MYOM2: variants seen among roughly 807,000 people sequenced by gnomAD.
The protein encoded by MYOM2 is myomesin-2.
Under a neutral mutation model 187.6 loss-of-function variants are expected in MYOM2, and 254 were observed. The ratio of observed to expected loss-of-function variants is 1.35; its 90% CI spans 1.22 to 1.50. MYOM2 has a LOEUF of 1.50. Ranked by LOEUF, MYOM2 falls within the 40% of genes most tolerant of loss-of-function variation. The pLI, the probability that MYOM2 is intolerant of heterozygous loss-of-function variation, is 0.00. For synonymous variants in MYOM2, 981 were observed against 753.8 expected (o/e 1.30, Z -4.94); for missense variants, 2,796 against 1,924.0 (o/e 1.45, Z -8.48).
In MYOM2 at chr8:2,048,841, A is replaced by G. The variant is rs973798030; in HGVS notation, c.-12-1914A>G. Reference sequence around the variant, plus strand: ...GTCTCGCTCTGTCACCCAGGCTGGAATGCAGTGGCGCGATCTCGGCTCACT... The same window carrying G: ...GTCTCGCTCTGTCACCCAGGCTGGAGTGCAGTGGCGCGATCTCGGCTCACT... On this transcript the variant is annotated intron_variant, in intron 1 of 36. Coordinates refer to ENST00000262113, the MANE Select transcript of MYOM2 (RefSeq NM_003970.4). 3.9e-4 allele frequency among the ~76,000 whole-genome samples: 59 copies of G among 150,334 alleles called. 1 individual carries two copies. Among genetic ancestry groups the G allele is most frequent in the Admixed American group, 1.9e-3 (28 of 15,050 alleles).
intron 29 of MYOM2, 88 bp from the exon 30 acceptor site, chr8:2,123,467 T>A (rs1237684669): frequency 2.7e-6 from 4 of 1,476,980 alleles, no homozygotes; most frequent in Non-Finnish European, 3.8e-6. Context: ...ATTTCGGTGG[T>A]TTGCAAAGAA....
intron 32 of MYOM2, among the ~76,000 whole-genome samples, chr8:2,130,041 G>T (rs183525552): frequency 9.4e-4 from 143 of 152,130 alleles, no homozygotes; most frequent in African/African-American, 3.0e-3. Context: ...ATTTGATGGT[G>T]TCAAGGCACC....
At chr8:2,120,680 T>TATATATATAATA in intron 28 of MYOM2, among the ~76,000 whole-genome samples, 1 of 48,300 alleles carries the variant, frequency 2.1e-5, no homozygotes, top group Admixed American at 3.9e-4. Context: ...ATATATTATA[T>TATATATATAATA]TATATATAAA....
chr8:2,118,241 A>C (rs937348771), intron 28 of MYOM2, among the ~76,000 whole-genome samples: 3 of 152,216 alleles, frequency 2.0e-5, no homozygotes, highest in African/African-American at 7.2e-5. Flanking sequence ...GTTTATGAGA[A>C]AGTGTGCCCT....
chr8:2,138,822 T>A (rs1264176230), intron 32 of MYOM2, among the ~76,000 whole-genome samples: 52 of 152,230 alleles, frequency 3.4e-4, no homozygotes, highest in Non-Finnish European at 1.9e-4. Flanking sequence ...AGAGGCTAAG[T>A]CTCAGGGTGA....
Position 2,057,453 on chromosome 8 carries a change from C to T in MYOM2, c.369C>T (p.Arg123=), listed in dbSNP as rs142361368. The part of the protein sequence containing the change: ...EDVHLARSQA[R]DKLDKYAIQQ... ...TCCACCTGGCACGCTCCCAGGCCCG[C>T]GACAAGCTGGACAAATACGCCATTC... Residue 123 remains arginine, a synonymous_variant, in exon 4 of 37, where the codon CGC becomes CGT. Coordinates refer to ENST00000262113, the MANE Select transcript of MYOM2 (RefSeq NM_003970.4). The T allele has an allele frequency of 2.1e-4, 332 of 1,613,886 alleles. 1 individual carries two copies. Among genetic ancestry groups the T allele is most frequent in the Non-Finnish European group, 2.5e-4 (294 of 1,179,982 alleles).
chr8:2,077,554 G>A (rs1672852775), intron 11 of MYOM2, among the ~76,000 whole-genome samples: 1 of 152,086 alleles, frequency 6.6e-6, no homozygotes, highest in East Asian at 1.9e-4. Context: ...ATTTTGATAT[G>A]CTAGAGACAG....
In MYOM2 at chr8:2,052,311, C is replaced by T. The variant is rs767835291; in HGVS notation, c.261C>T (p.Ser87=). The change falls in exon 3 of 37, where the codon AGC becomes AGT. Residue 87 remains serine, a splice_region_variant and synonymous_variant. Coordinates refer to ENST00000262113, the MANE Select transcript of MYOM2 (RefSeq NM_003970.4). ...AAGATGAGGAGCAGGAGAACAGAAGCAGGTGAGCACATGGCTTCCCTGACT... is the reference window on the plus strand; with the variant it reads ...AAGATGAGGAGCAGGAGAACAGAAGTAGGTGAGCACATGGCTTCCCTGACT... ...TQEDEEQENR[S]RYQSLVAAYG... is the part of the protein sequence containing the mutation. 3.1e-6 allele frequency: 5 copies of T among 1,597,822 alleles called. No homozygotes were observed. The highest frequency in any genetic ancestry group is 4.5e-5 in the East Asian group (2 of 44,366).
At chr8:2,138,227 C>T (rs1362634806) in intron 32 of MYOM2, among the ~76,000 whole-genome samples, 1 of 152,216 alleles carries the variant, frequency 6.6e-6, no homozygotes, top group Non-Finnish European at 1.5e-5. Context: ...CGCCAGCCTG[C>T]AGCTTGCAAA....
rs1392495217 is a variant in MYOM2 at position 2,125,678 on chromosome 8, G to T, written c.3694+1461G>T. 2.1e-5 allele frequency among the ~76,000 whole-genome samples: 3 copies of T among 139,790 alleles called. No individual in the cohort carries two copies. In the Admixed American group the frequency reaches 2.4e-4, roughly 11 times the overall value. The allele number at this position is 139,790 out of a possible 152,430, so 91.7% of individuals were successfully genotyped here. A position where few individuals can be genotyped will look rare whatever the true frequency, so the allele number is the denominator to read the frequency against. ...GCTGTAGTGCAGTGGGTGAATCTCG[G>T]CTCACTGCAACCTCCATCTCCTGGG... On this transcript the variant is annotated intron_variant, in intron 31 of 36. Transcript: ENST00000262113.
At chr8:2,119,426 T>G (rs1797351689) in intron 28 of MYOM2, 1 of 152,612 alleles carries the variant, frequency 6.6e-6, no homozygotes, top group Non-Finnish European at 1.5e-5. Context: ...AGGGAGGGAC[T>G]TTGGAGTGAA....
intron 25 of MYOM2, among the ~76,000 whole-genome samples, chr8:2,113,194 C>T (rs1034292654): frequency 3.9e-5 from 6 of 152,336 alleles, no homozygotes; most frequent in African/African-American, 9.6e-5. Context: ...GCGAGTCCCG[C>T]GCTGGACATT....
intron 11 of MYOM2, among the ~76,000 whole-genome samples, chr8:2,077,345 A>C: frequency 6.6e-6 from 1 of 152,080 alleles, no homozygotes; most frequent in Non-Finnish European, 1.5e-5. Flanking sequence ...CAAAAAAACA[A>C]AACAAAAAAA....
At chr8:2,114,038 C>G (rs114896309) in intron 25 of MYOM2, among the ~76,000 whole-genome samples, 5 of 152,232 alleles carry the variant, frequency 3.3e-5, no homozygotes, top group African/African-American at 1.2e-4. Flanking sequence ...GGAGGCAGAG[C>G]TGTGGAAACC....
rs572772955 is a variant in MYOM2 at position 2,066,512 on chromosome 8, T to G, written c.654-2766T>G. Among the ~76,000 whole-genome samples the G allele has an allele frequency of 2.6e-5, 4 of 152,286 alleles. No individual in the cohort carries two copies. The South Asian group carries it at 6.2e-4, about 24-fold the overall frequency. ...CCCAAAAGAAGAATATATTTGGGTT[T>G]GGAGAATGCATTTTTGAAAACATAA... On this transcript the variant is annotated intron_variant, in intron 6 of 36. Transcript: ENST00000262113.
At chr8:2,099,040 G>T (rs1464419855) in intron 19 of MYOM2, 57 bp downstream of exon 19, 2 of 1,528,658 alleles carry the variant, frequency 1.3e-6, no homozygotes, top group Non-Finnish European at 1.8e-6. Context: ...CTGGGAAGGG[G>T]CCTCTGTGGC....
chr8:2,113,857 T>C (rs1376775550), intron 25 of MYOM2, among the ~76,000 whole-genome samples: 4 of 152,058 alleles, frequency 2.6e-5, no homozygotes, highest in African/African-American at 7.2e-5. Flanking sequence ...GTTGGACATG[T>C]GTTTGGTATT....
chr8:2,116,128 C>T lies in MYOM2; in HGVS notation c.3325+24C>T, dbSNP rs994095688. On this transcript the variant is annotated intron_variant, in intron 26 of 36. Coordinates refer to ENST00000262113, the MANE Select transcript of MYOM2 (RefSeq NM_003970.4). ...TGGTATGCTATATCGAATATTTCCA[C>T]GTCCATACAAGATAATTCAAATGAA... 26 of 1,607,834 alleles carry T rather than the reference C, an allele frequency of 1.6e-5. No individual in the cohort carries two copies. In the Middle Eastern group the frequency reaches 5.0e-4, roughly 31 times the overall value.
chr8:2,066,958 A>G (rs1819039078), intron 6 of MYOM2, among the ~76,000 whole-genome samples: 1 of 152,148 alleles, frequency 6.6e-6, no homozygotes, highest in Non-Finnish European at 1.5e-5. Context: ...GAACTAGAAG[A>G]TAATGTTCTT....
Sources: gnomAD v4.1 joint callset for allele counts (sites outside exome capture counted in the v4.1 genomes callset) on GRCh38, gnomAD v4.1.1 for gene constraint, MANE v1.5 for transcripts, NCBI Gene and HGNC (gene_info 2026-07-23, HGNC 2026-07-21) for gene names.